PCDHA9: variants seen among roughly 807,000 people sequenced by gnomAD.
The protein encoded by PCDHA9 is protocadherin alpha 9, also known as protocadherin alpha-9.
A neutral mutation model predicts 62.0 loss-of-function variants in PCDHA9; 62 were observed. That is an observed-to-expected ratio of 1.00 (90% CI 0.81 to 1.23). The LOEUF is 1.23. PCDHA9 is among the 50% of genes most tolerant of loss of function. The pLI is 0.00. For synonymous variants in PCDHA9, 557 were observed against 567.6 expected, an observed-to-expected ratio of 0.98 and a Z score of 0.27; for missense variants, 1,205 against 1,249.8, an observed-to-expected ratio of 0.96 and a Z score of 0.54.
At chr5:140,868,536 T>C (rs2050515063) in intron 1 of PCDHA9, 1 of 152,638 alleles carries the variant, frequency 6.6e-6, no homozygotes, top group Non-Finnish European at 1.5e-5. Flanking sequence ...AGTAAAACAA[T>C]TCAAATTTGA....
intron 1 of PCDHA9, chr5:140,860,225 A>ATATATAT (rs2046281831): frequency 6.6e-6 from 1 of 151,528 alleles, no homozygotes. Context: ...ATGTATATAT[A>ATATATAT]AGCCAGGCAT....
At chr5:140,977,831 T>C (rs987042342) in intron 1 of PCDHA9, among the ~76,000 whole-genome samples, 3 of 152,240 alleles carry the variant, frequency 2.0e-5, no homozygotes, top group Admixed American at 1.3e-4. Flanking sequence ...AATGGTCTAT[T>C]GATATTACTA....
chr5:141,010,374 C>A lies in PCDHA9; in HGVS notation c.*437C>A. 2 of 1,459,768 alleles carry A rather than the reference C, an allele frequency of 1.4e-6. No homozygotes were observed. Among genetic ancestry groups the A allele is most frequent in the South Asian group, 1.4e-5 (1 of 73,044 alleles). 90.4% of individuals were successfully genotyped at this position (1,459,768 alleles called of 1,614,324 possible). On this transcript the variant is annotated 3_prime_UTR_variant, in exon 4 of 4. Coordinates refer to ENST00000532602, the MANE Select transcript of PCDHA9 (RefSeq NM_031857.2). ...TGTGGCTACCGCGGGTATGCGAGTG[C>A]CAGATATTGGCTGAGACGAGCCAGC...
intron 1 of PCDHA9, chr5:140,857,523 C>T: frequency 1.9e-6 from 3 of 1,597,998 alleles, no homozygotes; most frequent in South Asian, 2.2e-5. Flanking sequence ...GTGTCCTACT[C>T]TCTGGTGGAG....
chr5:140,875,915 TG>T, intron 1 of PCDHA9: 1 of 1,614,214 alleles, frequency 6.2e-7, no homozygotes, highest in Non-Finnish European at 8.5e-7. Context: ...TCTGCGCCTC[TG>T]GACTCTCATT....
At chr5:140,917,324 C>CGGGGGGGG (rs1299895515) in intron 1 of PCDHA9, among the ~76,000 whole-genome samples, 1 of 76,104 alleles carries the variant, frequency 1.3e-5, no homozygotes, top group Non-Finnish European at 2.9e-5. Context: ...GTTCATGTGG[C>CGGGGGGGG]GGGGGAGGGG....
chr5:140,854,743 GAT>G lies in PCDHA9; in HGVS notation c.2394+3859_2394+3860del, dbSNP rs1554147428. The G allele has an allele frequency of 2.0e-5, 3 of 149,440 alleles. 1 individual carries two copies. The highest frequency in any genetic ancestry group is 7.4e-5 in the African/African-American group (3 of 40,774). 9.3% of individuals were successfully genotyped at this position (149,440 alleles called of 1,614,324 possible). On this transcript the variant is annotated intron_variant, in intron 1 of 3. Coordinates refer to ENST00000532602, the MANE Select transcript of PCDHA9 (RefSeq NM_031857.2). ...AACTCAAGTTTTTTTCAGCAGCACAGATATATTACATTTTCATTCCTGAATAT... is the reference window on the plus strand; with the variant it reads ...AACTCAAGTTTTTTTCAGCAGCACAGATATTACATTTTCATTCCTGAATAT...
At chr5:141,000,743 T>TA (rs527867626) in intron 3 of PCDHA9, among the ~76,000 whole-genome samples, 4,963 of 145,376 alleles carry the variant, frequency 0.034, 280 homozygotes, top group African/African-American at 0.12. Flanking sequence ...CTCTGTATAT[T>TA]AAAAAAAAAA....
intron 1 of PCDHA9, chr5:140,857,218 T>G: frequency 6.3e-7 from 1 of 1,598,468 alleles, no homozygotes. Context: ...CTCTGACGCC[T>G]CACGTTCCGT....
chr5:140,987,075 G>C (rs564788093), intron 3 of PCDHA9, among the ~76,000 whole-genome samples: 1 of 152,006 alleles, frequency 6.6e-6, no homozygotes, highest in Admixed American at 6.5e-5. Context: ...TGAGCTGGGC[G>C]TGGTGGCAGG....
chr5:140,935,835 A>G (rs1405712064), intron 1 of PCDHA9, among the ~76,000 whole-genome samples: 3 of 151,830 alleles, frequency 2.0e-5, no homozygotes, highest in Admixed American at 6.6e-5. Flanking sequence ...CACATATTCC[A>G]TACTGCTTAA....
At chr5:140,927,527 C>G in intron 1 of PCDHA9, 1 of 1,614,084 alleles carries the variant, frequency 6.2e-7, no homozygotes, top group African/African-American at 1.3e-5. Context: ...GGGCTACCTG[C>G]CCGCTCAGGA....
At chr5:140,941,743 C>G (rs2093156279) in intron 1 of PCDHA9, among the ~76,000 whole-genome samples, 1 of 152,172 alleles carries the variant, frequency 6.6e-6, no homozygotes, top group Admixed American at 6.5e-5. Context: ...ATTATCTTAT[C>G]AGATTTTCAG....
At position 140,927,544 on chromosome 5, in the gene PCDHA9, C is replaced by G. The variant is rs1442526060; in HGVS notation, c.2395-51405C>G. 2.5e-6 allele frequency: 4 copies of G among 1,614,034 alleles called. No homozygotes were observed. The East Asian group carries it at 6.7e-5, about 27-fold the overall frequency. ...GCTACCTGCCCGCTCAGGAGACGCA[C>G]AAGTCACCATCATTGTGGTGGACAC... On this transcript the variant is annotated intron_variant, in intron 1 of 3. Transcript: ENST00000532602.
At chr5:140,979,868 C>T (rs1554241158) in intron 2 of PCDHA9, among the ~76,000 whole-genome samples, 1 of 152,160 alleles carries the variant, frequency 6.6e-6, no homozygotes. Context: ...AATATCTGGG[C>T]AACTATCAAG....
intron 1 of PCDHA9, among the ~76,000 whole-genome samples, chr5:140,945,037 T>C (rs2093728945): frequency 6.6e-6 from 1 of 152,178 alleles, no homozygotes; most frequent in Non-Finnish European, 1.5e-5. Context: ...TAATTATCTT[T>C]GGTCTTATAT....
intron 3 of PCDHA9, among the ~76,000 whole-genome samples, chr5:140,992,100 A>G (rs1285742519): frequency 6.6e-6 from 1 of 151,526 alleles, no homozygotes; most frequent in African/African-American, 2.4e-5. Context: ...AAAGAGAATT[A>G]AGGTGAGATG....
intron 3 of PCDHA9, among the ~76,000 whole-genome samples, chr5:140,992,478 A>T (rs2097514142): frequency 6.6e-6 from 1 of 152,210 alleles, no homozygotes; most frequent in African/African-American, 2.4e-5. Flanking sequence ...TAGATCACCC[A>T]GAGGCCAATC....
intron 1 of PCDHA9, among the ~76,000 whole-genome samples, chr5:140,873,728 T>A (rs1208346643): frequency 6.6e-6 from 1 of 152,190 alleles, no homozygotes; most frequent in African/African-American, 2.4e-5. Flanking sequence ...TGGCGCAATC[T>A]CAGCTCACTG....
Sources: allele counts gnomAD v4.1 joint callset (sites outside exome capture counted in the v4.1 genomes callset), GRCh38; gene constraint gnomAD v4.1.1; transcripts MANE v1.5; gene names NCBI Gene and HGNC (gene_info 2026-07-23, HGNC 2026-07-21).